Variants in BPNT1 observed in about 807,000 individuals in gnomAD.
The protein encoded by BPNT1 is 3'(2'), 5'-bisphosphate nucleotidase 1.
A neutral mutation model predicts 36.9 loss-of-function variants in BPNT1; 28 were observed. The observed-to-expected ratio is 0.76, with a 90% CI of 0.56 to 1.04. The LOEUF is 1.04. BPNT1 is among the 50% of genes least tolerant of loss of function. The probability of loss-of-function intolerance (pLI) is 0.00; values close to 1 mark genes in which losing one functional copy is unlikely to be tolerated. For missense variants in BPNT1, 313 were observed against 372.9 expected (o/e 0.84, Z 1.32); for synonymous variants, 119 against 130.9 (o/e 0.91, Z 0.62).
At chr1:220,088,763 C>T (rs960129897) in intron 1 of BPNT1, among the ~76,000 whole-genome samples, 1 of 148,562 alleles carries the variant, frequency 6.7e-6, no homozygotes, top group Non-Finnish European at 1.5e-5. Context: ...GTACTCCAGC[C>T]TGGGGGACAG....
At chr1:220,065,388 G>A (rs545960814) in intron 6 of BPNT1, among the ~76,000 whole-genome samples, 19 of 152,208 alleles carry the variant, frequency 1.2e-4, no homozygotes, top group African/African-American at 3.4e-4. Flanking sequence ...TAATAAAGGC[G>A]AAAATTTTCT....
Position 220,079,776 on chromosome 1 carries a change from A to G in BPNT1, c.71T>C (p.Met24Thr). 1.2e-6 allele frequency: 2 copies of G among 1,614,168 alleles called. No individual in the cohort carries two copies. The highest frequency in any genetic ancestry group is 1.7e-6 in the Non-Finnish European group (2 of 1,180,024). ...SAYSIAQKAG[M>T]IVRRVIAEGD... ...TTCAGCAATAACACGTCTGACTATC[A>G]TTCCTGCCTTTTGAGCAATAGAATA... The change falls in exon 2 of 9, where the codon ATG becomes ACG. Residue 24 changes from methionine (M) to threonine (T), a missense_variant. Physicochemically the swap from Met to Thr is moderately conservative, Grantham distance 81. Coordinates refer to ENST00000322067, the MANE Select transcript of BPNT1 (RefSeq NM_006085.6).
intron 1 of BPNT1, among the ~76,000 whole-genome samples, chr1:220,082,083 TATAGAGAGAGAGAGAGAGAGAG>T (rs1655198365): frequency 9.0e-6 from 1 of 110,830 alleles, no homozygotes; most frequent in African/African-American, 3.4e-5. Flanking sequence ...TATATATATA[TATAGAGAGAGAGAGAGAGAGAG>T]AGAGAGAGAG....
At chr1:220,081,505 T>C (rs1028796535) in intron 1 of BPNT1, among the ~76,000 whole-genome samples, 2 of 151,526 alleles carry the variant, frequency 1.3e-5, no homozygotes, top group African/African-American at 4.9e-5. Context: ...ATCGCACCAC[T>C]GCACTCTAGC....
chr1:220,066,078 C>T, intron 6 of BPNT1: 1 of 1,523,136 alleles, frequency 6.6e-7, no homozygotes. Context: ...CTCACCTTTG[C>T]TTCATTCCTG....
At chr1:220,088,789 T>TAAAAA (rs1267059944) in intron 1 of BPNT1, among the ~76,000 whole-genome samples, 4 of 114,138 alleles carry the variant, frequency 3.5e-5, no homozygotes, top group South Asian at 2.9e-4. Flanking sequence ...GAACCTGTCT[T>TAAAAA]AAAAAAAAAA....
At position 220,058,818 on chromosome 1, in the gene BPNT1, C is replaced by T. The variant is rs770688363; in HGVS notation, c.*26G>A. 1.1e-5 allele frequency: 17 copies of T among 1,610,530 alleles called. No individual in the cohort carries two copies. The highest frequency in any genetic ancestry group is 3.3e-5 in the South Asian group (3 of 90,962). On this transcript the variant is annotated 3_prime_UTR_variant, in exon 9 of 9. Coordinates refer to ENST00000322067, the MANE Select transcript of BPNT1 (RefSeq NM_006085.6). Reference sequence around the variant, plus strand: ...TGCTGGGATTACAGGCATGAGCCACCGCGCCCGGCCAAATGAAACTTTCCT... The same window carrying T: ...TGCTGGGATTACAGGCATGAGCCACTGCGCCCGGCCAAATGAAACTTTCCT...
In BPNT1 at chr1:220,067,283, G is replaced by A; in HGVS notation, c.474+19C>T. 1 of 1,460,562 alleles carries A rather than the reference G, an allele frequency of 6.8e-7. No individual in the cohort carries two copies. The highest frequency in any genetic ancestry group is 9.4e-7 in the Non-Finnish European group (1 of 1,058,428). The allele number at this position is 1,460,562 out of a possible 1,614,324, so 90.5% of individuals were successfully genotyped here. ...ATTATTTATCTAATGAAATTACTTT[G>A]TATCATTTATAGTAATACCTCATAG... On this transcript the variant is annotated intron_variant, in intron 6 of 8. Coordinates refer to ENST00000322067, the MANE Select transcript of BPNT1 (RefSeq NM_006085.6).
chr1:220,064,962 C>T (rs1663407651), intron 6 of BPNT1, among the ~76,000 whole-genome samples: 1 of 152,058 alleles, frequency 6.6e-6, no homozygotes, highest in African/African-American at 2.4e-5. Flanking sequence ...TGCATGCCAC[C>T]ATGTCCGGCT....
At chr1:220,069,186 A>G (rs1045929894) in intron 5 of BPNT1, among the ~76,000 whole-genome samples, 198 bp downstream of exon 5, 5 of 152,176 alleles carry the variant, frequency 3.3e-5, no homozygotes, top group Non-Finnish European at 5.9e-5. Flanking sequence ...GGGGGGTGGT[A>G]TTTGAAGGAG....
At chr1:220,085,866 T>TG (rs1288491932) in intron 1 of BPNT1, among the ~76,000 whole-genome samples, 4 of 152,216 alleles carry the variant, frequency 2.6e-5, no homozygotes, top group Non-Finnish European at 5.9e-5. Flanking sequence ...TTCAGAAGGA[T>TG]GGAAAAAAAC....
intron 5 of BPNT1, among the ~76,000 whole-genome samples, 181 bp downstream of exon 5, chr1:220,069,203 T>C (rs1663819528): frequency 6.6e-6 from 1 of 152,118 alleles, no homozygotes; most frequent in African/African-American, 2.4e-5. Flanking sequence ...GGAGATGAAT[T>C]TTATTCTCCT....
intron 8 of BPNT1, among the ~76,000 whole-genome samples, chr1:220,059,243 C>CTTTTTTTTTTTTTTTTT (rs11292010): frequency 1.7e-5 from 1 of 57,868 alleles, no homozygotes; most frequent in Non-Finnish European, 3.0e-5. Flanking sequence ...ATTTTCTTTT[C>CTTTTTTTTTTTTTTTTT]TTTTTTTTTT....
rs1662646867 is a variant in BPNT1 at position 220,057,642 on chromosome 1, G to A, written c.*1202C>T. 2.9e-6 allele frequency: 1 copy of A among 339,160 alleles called. No individual in the cohort carries two copies. The highest frequency in any genetic ancestry group is 2.2e-5 in the African/African-American group (1 of 46,442). The allele number at this position is 339,160 out of a possible 1,614,324, so 21.0% of individuals were successfully genotyped here. A position where few individuals can be genotyped will look rare whatever the true frequency, so the allele number is the denominator to read the frequency against. ...GCTTTCCACAATTAAGCCTTATAAT[G>A]ATGCCACAAGAATAAACTAATCCCC... is the stretch of plus-strand genomic sequence containing the variant. On this transcript the variant is annotated 3_prime_UTR_variant, in exon 9 of 9. Transcript: ENST00000322067.
chr1:220,059,815 A>G, intron 7 of BPNT1, 24 bp from the exon 8 acceptor site: 2 of 1,495,670 alleles, frequency 1.3e-6, no homozygotes, highest in African/African-American at 1.4e-5. Flanking sequence ...AATAAGAATT[A>G]TCCTTTGATA....
chr1:220,079,790 A>G lies in BPNT1; in HGVS notation c.57T>C (p.Ala19=). 3 of 1,614,160 alleles carry G rather than the reference A, an allele frequency of 1.9e-6. No homozygotes were observed. The highest frequency in any genetic ancestry group is 1.7e-6 in the Non-Finnish European group (2 of 1,180,016). ...MRLVASAYSI[A]QKAGMIVRRV... ...GTCTGACTATCATTCCTGCCTTTTG[A>G]GCAATAGAATATGCGGAGGCTACCA... Residue 19 remains alanine, a synonymous_variant, in exon 2 of 9, where the codon GCT becomes GCC. Transcript: ENST00000322067.
At chr1:220,069,904 C>G (rs570573734) in intron 4 of BPNT1, among the ~76,000 whole-genome samples, 121 of 150,960 alleles carry the variant, frequency 8.0e-4, no homozygotes, top group Non-Finnish European at 9.7e-4. Context: ...CCATTGCACT[C>G]CAGCCTGGAT....
In BPNT1 at chr1:220,089,787, A is replaced by G. The variant is rs1656129598; in HGVS notation, c.-110T>C. On this transcript the variant is annotated 5_prime_UTR_variant, in exon 1 of 9. Coordinates refer to ENST00000322067, the MANE Select transcript of BPNT1 (RefSeq NM_006085.6). The stretch of plus-strand genomic sequence containing the variant: ...CCAGTACCGAGCTTTGGCACTGTCA[A>G]TAAGTCTTTTGAGAAGGATGGCATC... The G allele has an allele frequency of 6.6e-6, 1 of 152,380 alleles. No homozygotes were observed. The highest frequency in any genetic ancestry group is 2.1e-4 in the South Asian group (1 of 4,830). 9.4% of individuals were successfully genotyped at this position (152,380 alleles called of 1,614,324 possible). A position where few individuals can be genotyped will look rare whatever the true frequency, so the allele number is the denominator to read the frequency against.
intron 1 of BPNT1, among the ~76,000 whole-genome samples, chr1:220,087,724 C>T (rs1655873073): frequency 6.6e-6 from 1 of 151,784 alleles, no homozygotes; most frequent in East Asian, 1.9e-4. Flanking sequence ...CTGAATAATC[C>T]AATAGAAAAA....
Sources: gnomAD v4.1 joint callset for allele counts (sites outside exome capture counted in the v4.1 genomes callset) on GRCh38, gnomAD v4.1.1 for gene constraint, MANE v1.5 for transcripts, NCBI Gene and HGNC (gene_info 2026-07-23, HGNC 2026-07-21) for gene names.